Variants in PTPRN2 observed in about 807,000 individuals in gnomAD.
PTPRN2 encodes the protein receptor-type tyrosine-protein phosphatase N2.
A neutral mutation model predicts 118.8 loss-of-function variants in PTPRN2; 74 were observed. The observed-to-expected ratio is 0.62, with a 90% confidence interval of 0.52 to 0.76. The LOEUF is 0.76. Among genes scored for constraint, PTPRN2 ranks in the 30% least tolerant of loss-of-function variants. PTPRN2 has a pLI of 0.00. For synonymous variants in PTPRN2, 641 were observed against 608.0 expected (o/e 1.05, Z -0.80); for missense variants, 1,481 against 1,394.4 (o/e 1.06, Z -0.99).
At chr7:157,710,203 G>A (rs1798532991) in intron 12 of PTPRN2, among the ~76,000 whole-genome samples, 1 of 152,172 alleles carries the variant, frequency 6.6e-6, no homozygotes, top group Non-Finnish European at 1.5e-5. Context: ...TCCCTCCTGC[G>A]TCCATTCGAT....
At chr7:158,208,297 G>A (rs1307778554) in intron 3 of PTPRN2, among the ~76,000 whole-genome samples, 1 of 152,094 alleles carries the variant, frequency 6.6e-6, no homozygotes, top group Non-Finnish European at 1.5e-5. Flanking sequence ...GTATAGGAAG[G>A]CTATAAGAAC....
rs1443497066 is a variant in PTPRN2, at chr7:157,611,376, A to T, written c.2345-7301T>A. On this transcript the variant is annotated intron_variant, in intron 15 of 22. Transcript: ENST00000389418. This position sits in a 1 kb window ranked among gnomAD's most constrained non-coding sequence, Gnocchi z 5.9. ...CTAGTCTCATCTCAGGCATCTGTGT[A>T]GAAGGAACTCCCCAGGCAGGGCTAT... 6.6e-6 allele frequency among the ~76,000 whole-genome samples: 1 copy of T among 152,138 alleles called. No individual in the cohort carries two copies. The highest frequency in any genetic ancestry group is 6.5e-5 in the Admixed American group (1 of 15,284).
chr7:158,521,566 A>G (rs74856087), intron 1 of PTPRN2, among the ~76,000 whole-genome samples: 12,297 of 122,230 alleles, frequency 0.1, 3,044 homozygotes, highest in Non-Finnish European at 0.12. Context: ...CTGTCCAGGT[A>G]CTGGCTCAGG....
At chr7:158,271,279 AT>A (rs1383845649) in intron 3 of PTPRN2, among the ~76,000 whole-genome samples, 1 of 152,194 alleles carries the variant, frequency 6.6e-6, no homozygotes, top group Non-Finnish European at 1.5e-5. Context: ...GAATTCTTGG[AT>A]TAAATGCTTT....
rs113298086 is a variant in PTPRN2, at chr7:157,637,120, A to C, written c.2197-15611T>G. Reference sequence around the variant, plus strand: ...CACATTCCTTATTCAATGAGAAAAGAATTTGACTCTAGCTTCGAACATATC... The same window carrying C: ...CACATTCCTTATTCAATGAGAAAAGCATTTGACTCTAGCTTCGAACATATC... On this transcript the variant is annotated intron_variant, in intron 14 of 22. Coordinates refer to ENST00000389418, the MANE Select transcript of PTPRN2 (RefSeq NM_002847.5). 3.3e-5 allele frequency among the ~76,000 whole-genome samples: 5 copies of C among 152,366 alleles called. 1 individual carries two copies. The highest frequency in any genetic ancestry group is 1.2e-4 in the African/African-American group (5 of 41,592).
At chr7:158,205,343 A>C in intron 3 of PTPRN2, 70 bp from the exon 4 acceptor site, 1 of 1,139,330 alleles carries the variant, frequency 8.8e-7, no homozygotes, top group Non-Finnish European at 1.3e-6. Context: ...CTTCAGTCTC[A>C]CAATTAGTTG....
intron 11 of PTPRN2, among the ~76,000 whole-genome samples, chr7:157,950,688 C>T (rs1336479215): frequency 1.3e-5 from 2 of 152,200 alleles, no homozygotes; most frequent in Non-Finnish European, 2.9e-5. Context: ...ACCCATGGAG[C>T]AGGCTTATCC....
chr7:158,090,939 A>G (rs1007692346), intron 10 of PTPRN2, among the ~76,000 whole-genome samples: 3 of 152,264 alleles, frequency 2.0e-5, no homozygotes, highest in African/African-American at 7.2e-5. Context: ...CTTTAACCAC[A>G]GGAAAGAAAA....
intron 3 of PTPRN2, among the ~76,000 whole-genome samples, chr7:158,224,408 T>C (rs1483080753): frequency 6.6e-6 from 1 of 152,086 alleles, no homozygotes; most frequent in Non-Finnish European, 1.5e-5. Flanking sequence ...AATAATACAA[T>C]AGAATAGAAA....
intron 12 of PTPRN2, among the ~76,000 whole-genome samples, chr7:157,817,972 T>A (rs543239340): frequency 6.6e-6 from 1 of 151,938 alleles, no homozygotes. Flanking sequence ...GTGTGCCTGT[T>A]TGTACATGTG....
chr7:157,696,321 C>T (rs1797773057), intron 12 of PTPRN2, among the ~76,000 whole-genome samples: 1 of 123,732 alleles, frequency 8.1e-6, no homozygotes, highest in Non-Finnish European at 1.7e-5. Context: ...CCCATGCATA[C>T]TGGGTCTTAG....
chr7:157,654,900 T>C (rs1431870186), intron 14 of PTPRN2, among the ~76,000 whole-genome samples: 1 of 152,244 alleles, frequency 6.6e-6, no homozygotes, highest in Non-Finnish European at 1.5e-5. Context: ...CTGATGGGTT[T>C]GGCCCTAATA....
intron 12 of PTPRN2, among the ~76,000 whole-genome samples, chr7:157,805,319 G>A (rs935368214): frequency 6.1e-5 from 9 of 147,370 alleles, no homozygotes; most frequent in Non-Finnish European, 1.0e-4. Flanking sequence ...GTGTGTGTGC[G>A]TGTGCAAATA....
intron 12 of PTPRN2, among the ~76,000 whole-genome samples, chr7:157,685,393 C>G (rs964402184): frequency 6.6e-6 from 1 of 151,498 alleles, no homozygotes; most frequent in African/African-American, 2.4e-5. Context: ...TCTGAGGGGG[C>G]GGCGGGGCCA....
At chr7:157,816,305 C>T (rs1806396835) in intron 12 of PTPRN2, among the ~76,000 whole-genome samples, 1 of 152,198 alleles carries the variant, frequency 6.6e-6, no homozygotes, top group Non-Finnish European at 1.5e-5. Context: ...TGGTCGGGGG[C>T]CTGGGTCGGC....
At chr7:157,766,001 C>T (rs775570960) in intron 12 of PTPRN2, among the ~76,000 whole-genome samples, 3 of 150,880 alleles carry the variant, frequency 2.0e-5, no homozygotes, top group Non-Finnish European at 4.4e-5. Context: ...TCCATCCAAC[C>T]ATCCATCCTT....
chr7:157,602,578 C>T (rs748667844), intron 16 of PTPRN2, among the ~76,000 whole-genome samples: 36 of 152,114 alleles, frequency 2.4e-4, no homozygotes, highest in Non-Finnish European at 3.7e-4. Flanking sequence ...TGAGCACCCT[C>T]CACCATCAGT....
chr7:158,232,910 A>G (rs1829261331), intron 3 of PTPRN2, among the ~76,000 whole-genome samples: 1 of 152,212 alleles, frequency 6.6e-6, no homozygotes, highest in Non-Finnish European at 1.5e-5. Flanking sequence ...CAAAATGGGT[A>G]TAGAAAGAAC....
At chr7:158,439,808 G>A (rs1247178610) in intron 2 of PTPRN2, among the ~76,000 whole-genome samples, 1 of 152,144 alleles carries the variant, frequency 6.6e-6, no homozygotes, top group East Asian at 1.9e-4. Context: ...GCTTATTTAC[G>A]GGGTGCACCT....
Sources: gnomAD v4.1 joint callset for allele counts (sites outside exome capture counted in the v4.1 genomes callset) on GRCh38, gnomAD v4.1.1 for gene constraint, Gnocchi (gnomAD v3.1) non-coding constraint, MANE v1.5 for transcripts, NCBI Gene and HGNC (gene_info 2026-07-23, HGNC 2026-07-21) for gene names.